CACNA2D3: variants seen among roughly 807,000 people sequenced by gnomAD.
The protein encoded by CACNA2D3 is voltage-dependent calcium channel subunit alpha-2/delta-3.
A neutral mutation model predicts 160.6 loss-of-function variants in CACNA2D3; 60 were observed. The ratio of observed to expected loss-of-function variants is 0.37; its 90% CI spans 0.30 to 0.46. The LOEUF is 0.46. CACNA2D3 is among the 20% of genes least tolerant of loss of function. The pLI is 1.00. For missense variants in CACNA2D3, 1,205 were observed against 1,365.0 expected, an observed-to-expected ratio of 0.88 and a Z score of 1.85; for synonymous variants, 558 against 492.9, an observed-to-expected ratio of 1.13 and a Z score of -1.75.
intron 2 of CACNA2D3, among the ~76,000 whole-genome samples, chr3:54,125,995 A>G (rs1009023003): frequency 6.6e-6 from 1 of 152,200 alleles, no homozygotes; most frequent in African/African-American, 2.4e-5. Flanking sequence ...ATGCATTAAC[A>G]CTGTATTAAG....
intron 13 of CACNA2D3, among the ~76,000 whole-genome samples, chr3:54,806,685 C>G (rs955493118): frequency 6.6e-6 from 1 of 152,084 alleles, no homozygotes; most frequent in African/African-American, 2.4e-5. Context: ...CCTTTATTCA[C>G]AGAATTGGAA....
chr3:54,952,462 T>C (rs1701781503), intron 27 of CACNA2D3, among the ~76,000 whole-genome samples: 1 of 152,088 alleles, frequency 6.6e-6, no homozygotes, highest in Non-Finnish European at 1.5e-5. Flanking sequence ...AGTTCACAGA[T>C]GTGGGAAAGA....
At chr3:54,926,621 T>G (rs746071834) in intron 27 of CACNA2D3, among the ~76,000 whole-genome samples, 3 of 152,146 alleles carry the variant, frequency 2.0e-5, no homozygotes, top group Non-Finnish European at 4.4e-5. Flanking sequence ...ATTCTGCAAT[T>G]TGCTCTGTTC....
chr3:54,649,595 G>A (rs1259938501), intron 11 of CACNA2D3, among the ~76,000 whole-genome samples: 2 of 152,150 alleles, frequency 1.3e-5, no homozygotes, highest in East Asian at 3.9e-4. Context: ...CCCCTCTTTT[G>A]GGTTGTAAAC....
At chr3:54,262,222 C>G (rs1262618795) in intron 2 of CACNA2D3, among the ~76,000 whole-genome samples, 1 of 152,082 alleles carries the variant, frequency 6.6e-6, no homozygotes, top group Non-Finnish European at 1.5e-5. Context: ...ACCATGTCTG[C>G]ATATCATATC....
At chr3:54,135,158 C>A (rs1225718394) in intron 2 of CACNA2D3, among the ~76,000 whole-genome samples, 3 of 152,184 alleles carry the variant, frequency 2.0e-5, no homozygotes, top group Non-Finnish European at 4.4e-5. Flanking sequence ...GCTATGATCT[C>A]ACCTTCTCGG....
chr3:54,354,796 C>T (rs1480335501), intron 3 of CACNA2D3, among the ~76,000 whole-genome samples: 5 of 152,142 alleles, frequency 3.3e-5, no homozygotes, highest in South Asian at 2.1e-4. Flanking sequence ...GGGATTCCAG[C>T]GTTTACTGAT....
At chr3:54,997,361 TG>T (rs1316431978) in intron 31 of CACNA2D3, among the ~76,000 whole-genome samples, 4 of 152,096 alleles carry the variant, frequency 2.6e-5, no homozygotes, top group Middle Eastern at 3.4e-3. Flanking sequence ...CCCAGACTAA[TG>T]AAATATTGCA....
intron 14 of CACNA2D3, among the ~76,000 whole-genome samples, chr3:54,820,490 C>G (rs909153523): frequency 6.6e-6 from 1 of 152,110 alleles, no homozygotes; most frequent in African/African-American, 2.4e-5. Flanking sequence ...AATTCCTAGA[C>G]TCTATAAATT....
chr3:54,197,094 A>G (rs770780296), intron 2 of CACNA2D3, among the ~76,000 whole-genome samples: 2 of 152,114 alleles, frequency 1.3e-5, no homozygotes, highest in East Asian at 1.9e-4. Context: ...AAGAGATTGC[A>G]TCTCTGTTTG....
intron 27 of CACNA2D3, among the ~76,000 whole-genome samples, chr3:54,903,249 C>G (rs557607819): frequency 1.3e-5 from 2 of 152,238 alleles, no homozygotes; most frequent in Non-Finnish European, 2.9e-5. Flanking sequence ...TTGTTCCCCT[C>G]TCTGTGTCCA....
chr3:54,505,053 C>G (rs567072904), intron 5 of CACNA2D3, among the ~76,000 whole-genome samples: 1 of 152,308 alleles, frequency 6.6e-6, no homozygotes, highest in South Asian at 2.1e-4. Flanking sequence ...AACTAACTGT[C>G]TCTGAAACAT....
At chr3:54,656,636 GC>G (rs1699878852) in intron 11 of CACNA2D3, among the ~76,000 whole-genome samples, 1 of 152,160 alleles carries the variant, frequency 6.6e-6, no homozygotes, top group African/African-American at 2.4e-5. Flanking sequence ...AAAATTAGGG[GC>G]CCACAGGCCT....
chr3:54,774,163 C>G (rs1702374716), intron 13 of CACNA2D3, among the ~76,000 whole-genome samples: 1 of 152,166 alleles, frequency 6.6e-6, no homozygotes, highest in African/African-American at 2.4e-5. Context: ...CTGTGCAGTT[C>G]TGTCTTGAGG....
intron 27 of CACNA2D3, among the ~76,000 whole-genome samples, chr3:54,951,929 A>G (rs745729939): frequency 1.5e-4 from 23 of 151,814 alleles, no homozygotes; most frequent in Non-Finnish European, 2.1e-4. Flanking sequence ...GCTCACTGCA[A>G]CCTCCCTACC....
chr3:54,614,241 C>G (rs989928264), intron 9 of CACNA2D3, among the ~76,000 whole-genome samples: 8 of 152,212 alleles, frequency 5.3e-5, no homozygotes, highest in Admixed American at 5.2e-4. Context: ...GGACGTTGTA[C>G]CTAATGGGTG....
At chr3:54,471,579 C>T (rs1187846832) in intron 4 of CACNA2D3, among the ~76,000 whole-genome samples, 4 of 151,632 alleles carry the variant, frequency 2.6e-5, no homozygotes, top group Non-Finnish European at 5.9e-5. Context: ...GATAGAGATA[C>T]GAAAACTCTT....
chr3:54,669,192 G>A (rs1410975282), intron 11 of CACNA2D3, among the ~76,000 whole-genome samples: 2 of 152,118 alleles, frequency 1.3e-5, no homozygotes, highest in Non-Finnish European at 2.9e-5. Context: ...TTGGCTTAAT[G>A]CTCTGCTATT....
chr3:54,758,196 A>T (rs1033553553), intron 12 of CACNA2D3, among the ~76,000 whole-genome samples: 1 of 152,190 alleles, frequency 6.6e-6, no homozygotes. Context: ...GCAAGGTGTG[A>T]TGGGTGTAGC....
Sources: gnomAD v4.1 joint callset for allele counts (sites outside exome capture counted in the v4.1 genomes callset) on GRCh38, gnomAD v4.1.1 for gene constraint, MANE v1.5 for transcripts, NCBI Gene and HGNC (gene_info 2026-07-23, HGNC 2026-07-21) for gene names.